Variants in RNFT2 observed in about 807,000 individuals in gnomAD.
The protein encoded by RNFT2 is E3 ubiquitin-protein ligase RNFT2.
In RNFT2, 36 loss-of-function variants were observed where a neutral mutation model predicts 53.0. The ratio of observed to expected loss-of-function variants is 0.68; its 90% CI spans 0.52 to 0.90. The LOEUF is 0.90. Ranked by LOEUF, RNFT2 falls within the 40% of genes least tolerant of loss-of-function variation. The probability of loss-of-function intolerance (pLI) is 0.00; values close to 1 mark genes in which losing one functional copy is unlikely to be tolerated. For synonymous variants in RNFT2, 260 were observed against 253.2 expected (o/e 1.03, Z -0.26); for missense variants, 514 against 585.6 (o/e 0.88, Z 1.26).
At chr12:116,753,254 A>C (rs1249338968) in intron 4 of RNFT2, among the ~76,000 whole-genome samples, 1 of 143,990 alleles carries the variant, frequency 6.9e-6, no homozygotes, top group Non-Finnish European at 1.5e-5. Context: ...GGGTTCAAGC[A>C]GTTCTTGTGC....
At position 116,740,334 on chromosome 12, in the gene RNFT2, G is replaced by C. The variant is rs1004367201; in HGVS notation, c.-153-11G>C. On this transcript the variant is annotated splice_polypyrimidine_tract_variant and intron_variant, in intron 1 of 10. Coordinates refer to ENST00000257575, the MANE Select transcript of RNFT2 (RefSeq NM_001382266.1). ...CAGGGACTGTTCATCCAGGTGTTCT[G>C]TTCCATCCAGGTTTGGAGTCTCTGG... is the stretch of plus-strand genomic sequence containing the variant. The C allele has an allele frequency of 7.7e-6, 5 of 645,322 alleles. No homozygotes were observed. Among genetic ancestry groups the C allele is most frequent in the South Asian group, 1.7e-5 (1 of 57,556 alleles). The allele number at this position is 645,322 out of a possible 1,614,324, so 40.0% of individuals were successfully genotyped here.
chr12:116,850,514 G>C lies in RNFT2; in HGVS notation c.*1066G>C, dbSNP rs1437758642. ...ACTTAGTACCTAGTACCTAGGACTT[G>C]ATGGTGCAGGCTGGGGAGGAGCCTA... On this transcript the variant is annotated 3_prime_UTR_variant, in exon 11 of 11. Coordinates refer to ENST00000257575, the MANE Select transcript of RNFT2 (RefSeq NM_001382266.1). 1 of 152,052 alleles carries C rather than the reference G, an allele frequency of 6.6e-6. No homozygotes were observed. The highest frequency in any genetic ancestry group is 1.5e-5 in the Non-Finnish European group (1 of 68,072). 9.4% of individuals were successfully genotyped at this position (152,052 alleles called of 1,614,324 possible).
At chr12:116,822,783 C>A (rs1876115544) in intron 7 of RNFT2, among the ~76,000 whole-genome samples, 1 of 152,060 alleles carries the variant, frequency 6.6e-6, no homozygotes, top group South Asian at 2.1e-4. Context: ...GGGCAGATCA[C>A]CTGAGGAGTT....
At chr12:116,839,791 A>AGGGG (rs1877162255) in intron 10 of RNFT2, among the ~76,000 whole-genome samples, 1 of 14,802 alleles carries the variant, frequency 6.8e-5, no homozygotes, top group African/African-American at 2.7e-4. Context: ...GGAGGGAGGG[A>AGGGG]GGGGCGGAGG....
At chr12:116,747,917 A>G (rs1871987554) in intron 3 of RNFT2, among the ~76,000 whole-genome samples, 2 of 152,100 alleles carry the variant, frequency 1.3e-5, no homozygotes. Flanking sequence ...TCGGCCGGGC[A>G]CGGTGGCTCA....
At chr12:116,806,575 T>G (rs767100739) in intron 7 of RNFT2, among the ~76,000 whole-genome samples, 3 of 151,638 alleles carry the variant, frequency 2.0e-5, no homozygotes, top group Non-Finnish European at 2.9e-5. Context: ...GTGAGACACC[T>G]TCTCTATAAA....
chr12:116,849,778 TC>T lies in RNFT2; in HGVS notation c.*331del, dbSNP rs1877817511. On this transcript the variant is annotated 3_prime_UTR_variant, in exon 11 of 11. Transcript: ENST00000257575. ...TCCCACTTGTTGGTTATTTTCTCTT[TC>T]TTTTTTCTTTTCTTTTCTTTCTCTC... 1 of 1,106,064 alleles carries T rather than the reference TC, an allele frequency of 9.0e-7. No individual in the cohort carries two copies. Among genetic ancestry groups the T allele is most frequent in the African/African-American group, 1.6e-5 (1 of 61,626 alleles). The allele number at this position is 1,106,064 out of a possible 1,614,324, so 68.5% of individuals were successfully genotyped here. A position where few individuals can be genotyped will look rare whatever the true frequency, so the allele number is the denominator to read the frequency against.
rs555671966 is a variant in RNFT2, at chr12:116,832,789, G to A, written c.883-1003G>A. On this transcript the variant is annotated intron_variant, in intron 7 of 10. Coordinates refer to ENST00000257575, the MANE Select transcript of RNFT2 (RefSeq NM_001382266.1). ...CTCCTTTAATCCTCAAAGCAACCCC[G>A]TAAGGTGGGAATTCTGATTCCCATT... Among the ~76,000 whole-genome samples the A allele has an allele frequency of 7.9e-5, 12 of 151,884 alleles. No homozygotes were observed. The South Asian group carries it at 1.0e-3, about 13-fold the overall frequency.
chr12:116,752,079 G>A (rs116982685), intron 4 of RNFT2, among the ~76,000 whole-genome samples: 2,947 of 152,196 alleles, frequency 0.019, 46 homozygotes, highest in Middle Eastern at 0.058. Flanking sequence ...GTCAGGTGTG[G>A]TGGCTCATGC....
intron 2 of RNFT2, 104 bp downstream of exon 2, chr12:116,740,625 A>C (rs1048702113): frequency 9.6e-7 from 1 of 1,045,628 alleles, no homozygotes; most frequent in Non-Finnish European, 1.4e-6. Flanking sequence ...CATGTAACAC[A>C]TGGGGAATCT....
intron 5 of RNFT2, among the ~76,000 whole-genome samples, chr12:116,754,448 C>G (rs978082988): frequency 1.3e-5 from 2 of 152,122 alleles, no homozygotes; most frequent in African/African-American, 4.8e-5. Context: ...TATAAACTTG[C>G]GTGTGCAAGT....
In RNFT2 at chr12:116,752,067, C is replaced by T. The variant is rs562100874; in HGVS notation, c.550+1760C>T. Among the ~76,000 whole-genome samples, 8 of 152,026 alleles carry T rather than the reference C, an allele frequency of 5.3e-5. No individual in the cohort carries two copies. In the East Asian group the frequency reaches 1.2e-3, roughly 22 times the overall value. On this transcript the variant is annotated intron_variant, in intron 4 of 10. Transcript: ENST00000257575. Reference sequence around the variant, plus strand: ...TCTACTACTTTCCATGAGAAAATATCGGTCAGGTGTGGTGGCTCATGCCTA... The same window carrying T: ...TCTACTACTTTCCATGAGAAAATATTGGTCAGGTGTGGTGGCTCATGCCTA...
intron 7 of RNFT2, among the ~76,000 whole-genome samples, chr12:116,814,121 G>C (rs1875520010): frequency 6.6e-6 from 1 of 152,126 alleles, no homozygotes; most frequent in Non-Finnish European, 1.5e-5. Context: ...TCATTGTCAT[G>C]GCAACATTGT....
intron 7 of RNFT2, among the ~76,000 whole-genome samples, chr12:116,782,620 C>T (rs1370052950): frequency 2.0e-5 from 3 of 152,142 alleles, no homozygotes; most frequent in African/African-American, 7.2e-5. Flanking sequence ...CCATTCCCTG[C>T]CACACCTGAT....
chr12:116,783,574 C>T (rs1290873470), intron 7 of RNFT2, among the ~76,000 whole-genome samples: 2 of 152,262 alleles, frequency 1.3e-5, no homozygotes, highest in Non-Finnish European at 2.9e-5. Flanking sequence ...CAAGGCACAT[C>T]ATCCTCACTT....
At chr12:116,804,887 A>G (rs774683143) in intron 7 of RNFT2, among the ~76,000 whole-genome samples, 6 of 152,176 alleles carry the variant, frequency 3.9e-5, no homozygotes, top group Non-Finnish European at 5.9e-5. Flanking sequence ...GGATTGCTTG[A>G]GCCTGGGAAG....
intron 7 of RNFT2, among the ~76,000 whole-genome samples, chr12:116,813,882 C>T (rs1875509087): frequency 6.6e-6 from 1 of 152,196 alleles, no homozygotes; most frequent in African/African-American, 2.4e-5. Context: ...CAGTAGCCTT[C>T]TCTAAGCCTC....
chr12:116,765,404 G>GCAT (rs1872865043), intron 5 of RNFT2, among the ~76,000 whole-genome samples: 1 of 152,178 alleles, frequency 6.6e-6, no homozygotes, highest in South Asian at 2.1e-4. Context: ...CTGGAAATGT[G>GCAT]CATCATAACA....
chr12:116,788,207 G>A (rs996741291), intron 7 of RNFT2, among the ~76,000 whole-genome samples: 2 of 152,304 alleles, frequency 1.3e-5, no homozygotes, highest in East Asian at 3.9e-4. Flanking sequence ...GATTACAGGC[G>A]TGAGCCACTG....
Sources: gnomAD v4.1 joint callset for allele counts (sites outside exome capture counted in the v4.1 genomes callset) on GRCh38, gnomAD v4.1.1 for gene constraint, MANE v1.5 for transcripts, NCBI Gene and HGNC (gene_info 2026-07-23, HGNC 2026-07-21) for gene names.